TMEM208: variants seen among roughly 807,000 people sequenced by gnomAD.
TMEM208 encodes transmembrane protein 208, also known as SRP-independent targeting 2 homolog.
Under a neutral mutation model 26.4 loss-of-function variants are expected in TMEM208, and 19 were observed. That is an observed-to-expected ratio of 0.72 (90% CI 0.50 to 1.06). The LOEUF is 1.06. TMEM208 is among the 50% of genes least tolerant of loss of function. The pLI is 0.00. For synonymous variants in TMEM208, 93 were observed against 83.1 expected, an observed-to-expected ratio of 1.12 and a Z score of -0.65; for missense variants, 183 against 219.8, an observed-to-expected ratio of 0.83 and a Z score of 1.06.
chr16:67,227,812 C>G, intron 1 of TMEM208, 24 bp from the exon 2 acceptor site: 1 of 1,574,582 alleles, frequency 6.4e-7, no homozygotes, highest in Non-Finnish European at 8.7e-7. Flanking sequence ...GGCCTCCTGA[C>G]GGCATCTCAT....
intron 1 of TMEM208, 141 bp downstream of exon 1, chr16:67,227,365 G>A: frequency 7.9e-7 from 1 of 1,272,866 alleles, no homozygotes; most frequent in East Asian, 2.3e-5. Context: ...CTAGAGCTGG[G>A]CTGGGGGGAT....
Position 67,227,242 on chromosome 16 carries a change from G to A in TMEM208, c.6+18G>A. On this transcript the variant is annotated intron_variant, in intron 1 of 5. Coordinates refer to ENST00000304800, the MANE Select transcript of TMEM208 (RefSeq NM_014187.4). The stretch of plus-strand genomic sequence containing the variant: ...CCATGGCGGTAAGGAGGATGGATAG[G>A]GCGGGGTCCGCACCAGCAAAGCTCT... 6.2e-7 allele frequency: 1 copy of A among 1,610,614 alleles called. No homozygotes were observed. The highest frequency in any genetic ancestry group is 8.5e-7 in the Non-Finnish European group (1 of 1,177,894).
At position 67,227,163 on chromosome 16, in the gene TMEM208, G is replaced by A; in HGVS notation, c.-56G>A. On this transcript the variant is annotated 5_prime_UTR_variant, in exon 1 of 6. Coordinates refer to ENST00000304800, the MANE Select transcript of TMEM208 (RefSeq NM_014187.4). The stretch of plus-strand genomic sequence containing the variant: ...ATGAGCTGCCGATGTGGTGCTTAGT[G>A]ATTGCGGTTTCGGTCGCTCTCCCGT... 1.2e-5 allele frequency: 20 copies of A among 1,607,264 alleles called. No individual in the cohort carries two copies. The highest frequency in any genetic ancestry group is 8.9e-5 in the South Asian group (8 of 90,252).
intron 4 of TMEM208, 61 bp downstream of exon 4, chr16:67,228,692 A>G (rs2034122549): frequency 1.9e-6 from 3 of 1,543,028 alleles, no homozygotes; most frequent in East Asian, 4.5e-5. Flanking sequence ...CAGATAGCCC[A>G]AGAAGCACAG....
rs990632760 is a variant in TMEM208 at position 67,227,182 on chromosome 16, C to T, written c.-37C>T. ...CTTAGTGATTGCGGTTTCGGTCGCT[C>T]TCCCGTGTTTCCCGGGCTGGGTATT... On this transcript the variant is annotated 5_prime_UTR_variant, in exon 1 of 6. Coordinates refer to ENST00000304800, the MANE Select transcript of TMEM208 (RefSeq NM_014187.4). The T allele has an allele frequency of 6.2e-7, 1 of 1,610,602 alleles. No homozygotes were observed. Among genetic ancestry groups the T allele is most frequent in the Non-Finnish European group, 8.5e-7 (1 of 1,177,790 alleles).
At chr16:67,228,459 T>C in intron 3 of TMEM208, 36 bp from the exon 4 acceptor site, 2 of 1,614,024 alleles carry the variant, frequency 1.2e-6, no homozygotes, top group Non-Finnish European at 1.7e-6. Flanking sequence ...GTAGGGTCAG[T>C]GGCTGGCCTT....
At chr16:67,228,705 A>G (rs2034123274) in intron 4 of TMEM208, 74 bp downstream of exon 4, 1 of 1,545,778 alleles carries the variant, frequency 6.5e-7, no homozygotes, top group Non-Finnish European at 8.7e-7. Context: ...AAGCACAGCT[A>G]CTTGTAACTT....
At chr16:67,228,451 A>G in intron 3 of TMEM208, 37 bp downstream of exon 3, 1 of 1,613,954 alleles carries the variant, frequency 6.2e-7, no homozygotes, top group Non-Finnish European at 8.5e-7. Flanking sequence ...ATGAGTGCGT[A>G]GGGTCAGTGG....
At chr16:67,227,325 G>C in intron 1 of TMEM208, 101 bp downstream of exon 1, 1 of 1,504,986 alleles carries the variant, frequency 6.6e-7, no homozygotes, top group South Asian at 1.3e-5. Flanking sequence ...GGGTGGGCCA[G>C]AGCGGGGCGC....
rs1388927588 is a variant in TMEM208 at position 67,228,423 on chromosome 16, C to T, written c.162+9C>T. On this transcript the variant is annotated intron_variant, in intron 3 of 5. Coordinates refer to ENST00000304800, the MANE Select transcript of TMEM208 (RefSeq NM_014187.4). ...CCTCATTTTGGGCCTGGGTAAGTAT[C>T]TCCATCCTGGGAGGTGGATGAGTGC... is the stretch of plus-strand genomic sequence containing the variant. 8.1e-6 allele frequency: 13 copies of T among 1,614,030 alleles called. No homozygotes were observed. Among genetic ancestry groups the T allele is most frequent in the African/African-American group, 1.3e-5 (1 of 75,048 alleles).
chr16:67,228,750 G>T (rs763502199), intron 4 of TMEM208, 47 bp from the exon 5 acceptor site: 82 of 1,583,604 alleles, frequency 5.2e-5, no homozygotes, highest in Non-Finnish European at 7.0e-5. Context: ...CTTGAAAAGG[G>T]TGGAAGGGCC....
chr16:67,227,531 G>A (rs1027940172), intron 1 of TMEM208: 7 of 560,592 alleles, frequency 1.2e-5, no homozygotes, highest in African/African-American at 1.1e-4. Context: ...CCGCTCAGGA[G>A]TACCCTTGGA....
At position 67,227,182 on chromosome 16, in the gene TMEM208, C is replaced by G. The variant is rs990632760; in HGVS notation, c.-37C>G. On this transcript the variant is annotated 5_prime_UTR_variant, in exon 1 of 6. Transcript: ENST00000304800. ...CTTAGTGATTGCGGTTTCGGTCGCT[C>G]TCCCGTGTTTCCCGGGCTGGGTATT... The G allele has an allele frequency of 1.2e-6, 2 of 1,610,484 alleles. No homozygotes were observed. The highest frequency in any genetic ancestry group is 1.1e-5 in the South Asian group (1 of 90,620).
intron 2 of TMEM208, 52 bp downstream of exon 2, chr16:67,227,983 C>A: frequency 1.4e-6 from 2 of 1,439,292 alleles, no homozygotes; most frequent in Non-Finnish European, 9.5e-7. Flanking sequence ...GTTCCCTAGT[C>A]CTCAGCCCTG....
rs566302172 is a variant in TMEM208 at position 67,227,811 on chromosome 16, A to G, written c.7-25A>G. 19 of 1,575,256 alleles carry G rather than the reference A, an allele frequency of 1.2e-5. No individual in the cohort carries two copies. In the Admixed American group the frequency reaches 2.5e-4, roughly 21 times the overall value. ...GAATGAGGAGGACCGTGGCCTCCTG[A>G]CGGCATCTCATCATTCCTCTGCAGC... On this transcript the variant is annotated intron_variant, in intron 1 of 5. Transcript: ENST00000304800.
intron 2 of TMEM208, 161 bp from the exon 3 acceptor site, chr16:67,228,192 GGA>G (rs1177570928): frequency 4.3e-5 from 34 of 789,394 alleles, no homozygotes; most frequent in Non-Finnish European, 6.5e-5. Flanking sequence ...GGGTGTCAGA[GGA>G]GAGTGGGTAT....
rs189567481 is a variant in TMEM208, at chr16:67,227,169, G to A, written c.-50G>A. 3.1e-6 allele frequency: 5 copies of A among 1,608,172 alleles called. 1 individual carries two copies. The South Asian group carries it at 3.3e-5, about 11-fold the overall frequency. On this transcript the variant is annotated 5_prime_UTR_variant, in exon 1 of 6. Coordinates refer to ENST00000304800, the MANE Select transcript of TMEM208 (RefSeq NM_014187.4). ...TGCCGATGTGGTGCTTAGTGATTGC[G>A]GTTTCGGTCGCTCTCCCGTGTTTCC...
Position 67,227,183 on chromosome 16 carries a change from TCC to T in TMEM208, c.-34_-33del, listed in dbSNP as rs747726936. 12 of 1,610,818 alleles carry T rather than the reference TCC, an allele frequency of 7.4e-6. No individual in the cohort carries two copies. In the Admixed American group the frequency reaches 2.0e-4, roughly 27 times the overall value. On this transcript the variant is annotated 5_prime_UTR_variant, in exon 1 of 6. Transcript: ENST00000304800. ...TTAGTGATTGCGGTTTCGGTCGCTC[TCC>T]CGTGTTTCCCGGGCTGGGTATTTGC...
In TMEM208 at chr16:67,227,205, A is replaced by T; in HGVS notation, c.-14A>T. 1 of 1,611,876 alleles carries T rather than the reference A, an allele frequency of 6.2e-7. No individual in the cohort carries two copies. The highest frequency in any genetic ancestry group is 8.5e-7 in the Non-Finnish European group (1 of 1,178,616). On this transcript the variant is annotated 5_prime_UTR_variant, in exon 1 of 6. Transcript: ENST00000304800. ...CTCTCCCGTGTTTCCCGGGCTGGGT[A>T]TTTGCCTCGCACCATGGCGGTAAGG...
Sources: allele counts gnomAD v4.1 joint callset, GRCh38; gene constraint gnomAD v4.1.1; transcripts MANE v1.5; gene names NCBI Gene and HGNC (gene_info 2026-07-23, HGNC 2026-07-21).